RBMS1: variants seen among roughly 807,000 people sequenced by gnomAD.
The protein encoded by RBMS1 is RNA binding motif single stranded interacting protein 1.
In RBMS1, 17 loss-of-function variants were observed where a neutral mutation model predicts 62.3. The ratio of observed to expected loss-of-function variants is 0.27; its 90% confidence interval spans 0.19 to 0.41. The LOEUF (loss-of-function observed/expected upper bound fraction) is 0.41, where lower values mean the gene tolerates loss of function less well. Among genes scored for constraint, RBMS1 ranks in the 10% least tolerant of loss-of-function variants. The pLI is 1.00. For synonymous variants in RBMS1, 172 were observed against 170.0 expected, an observed-to-expected ratio of 1.01 and a Z score of -0.09; for missense variants, 334 against 504.5, an observed-to-expected ratio of 0.66 and a Z score of 3.24.
At chr2:160,458,983 G>A (rs911692658) in intron 1 of RBMS1, among the ~76,000 whole-genome samples, 6 of 152,186 alleles carry the variant, frequency 3.9e-5, no homozygotes, top group African/African-American at 1.4e-4. Context: ...AAGTGCTCAA[G>A]CAAAAATCGC....
intron 4 of RBMS1, among the ~76,000 whole-genome samples, chr2:160,311,224 C>CCATA (rs71297446): frequency 0.028 from 1,566 of 56,538 alleles, 128 homozygotes; most frequent in Non-Finnish European, 0.042. Flanking sequence ...ATCTATCTAT[C>CCATA]TATCTATCTA....
chr2:160,403,465 T>C (rs1695537353), intron 1 of RBMS1, among the ~76,000 whole-genome samples: 1 of 152,212 alleles, frequency 6.6e-6, no homozygotes, highest in Non-Finnish European at 1.5e-5. Context: ...AATCAACAGC[T>C]TTGTATGTCA....
chr2:160,457,045 A>AG (rs369308025), intron 1 of RBMS1, among the ~76,000 whole-genome samples: 66 of 152,172 alleles, frequency 4.3e-4, no homozygotes, highest in African/African-American at 1.5e-3. Context: ...AAAGATTGAC[A>AG]GGCCTGTGAA....
intron 2 of RBMS1, among the ~76,000 whole-genome samples, chr2:160,339,112 G>A (rs1035973128): frequency 6.6e-6 from 1 of 152,176 alleles, no homozygotes; most frequent in African/African-American, 2.4e-5. Flanking sequence ...AGCACTGGAG[G>A]CCAGGCATGG....
intron 1 of RBMS1, among the ~76,000 whole-genome samples, chr2:160,467,741 G>A (rs1442833093): frequency 6.6e-6 from 1 of 152,170 alleles, no homozygotes; most frequent in Non-Finnish European, 1.5e-5. Context: ...TTTTTTAAAT[G>A]TTCCAAAATG....
intron 1 of RBMS1, among the ~76,000 whole-genome samples, chr2:160,413,803 C>T (rs1027381342): frequency 3.3e-5 from 5 of 152,288 alleles, no homozygotes; most frequent in African/African-American, 4.8e-5. Context: ...TACCCCAGGA[C>T]AGAAGAATGA....
At chr2:160,350,024 G>A (rs1185972626) in intron 2 of RBMS1, among the ~76,000 whole-genome samples, 1 of 152,024 alleles carries the variant, frequency 6.6e-6, no homozygotes, top group Non-Finnish European at 1.5e-5. Context: ...TGTAAGGCAC[G>A]TGGAAGGCCT....
intron 1 of RBMS1, among the ~76,000 whole-genome samples, chr2:160,480,305 A>T (rs1330722582): frequency 6.6e-6 from 1 of 152,348 alleles, no homozygotes; most frequent in East Asian, 1.9e-4. Context: ...ATATTTTGAC[A>T]TGCATGCAAG....
intron 1 of RBMS1, among the ~76,000 whole-genome samples, chr2:160,393,824 T>C (rs898709537): frequency 1.4e-5 from 2 of 146,590 alleles, no homozygotes; most frequent in Non-Finnish European, 3.0e-5. Flanking sequence ...AAAAAGAAAA[T>C]AGCCAAGCTT....
At chr2:160,325,621 C>A (rs1690878442) in intron 2 of RBMS1, among the ~76,000 whole-genome samples, 1 of 152,250 alleles carries the variant, frequency 6.6e-6, no homozygotes, top group African/African-American at 2.4e-5. Flanking sequence ...CTTGCTTTAG[C>A]TCTTTCAACA....
intron 8 of RBMS1, 46 bp from the exon 9 acceptor site, chr2:160,284,914 A>C (rs1688291176): frequency 1.3e-6 from 2 of 1,569,274 alleles, no homozygotes; most frequent in Non-Finnish European, 1.8e-6. Flanking sequence ...TTTAAATAGA[A>C]TAATTCATGG....
At chr2:160,380,337 A>T (rs563130477) in intron 1 of RBMS1, among the ~76,000 whole-genome samples, 7 of 152,240 alleles carry the variant, frequency 4.6e-5, no homozygotes, top group African/African-American at 1.7e-4. Context: ...AACAGACTAG[A>T]GCCCAAACAT....
intron 2 of RBMS1, among the ~76,000 whole-genome samples, chr2:160,327,810 T>C (rs555238377): frequency 1.3e-5 from 2 of 152,254 alleles, no homozygotes; most frequent in South Asian, 2.1e-4. Context: ...TAAAAATGAA[T>C]CCCTAAATGT....
At chr2:160,372,227 G>T (rs553746432) in intron 1 of RBMS1, among the ~76,000 whole-genome samples, 2 of 149,040 alleles carry the variant, frequency 1.3e-5, no homozygotes, top group African/African-American at 5.0e-5. Flanking sequence ...ATTCTAGTAC[G>T]TTTTGAAGGG....
intron 2 of RBMS1, among the ~76,000 whole-genome samples, chr2:160,365,898 G>A (rs1229041807): frequency 2.6e-5 from 4 of 152,236 alleles, no homozygotes; most frequent in African/African-American, 7.2e-5. Flanking sequence ...GGGCGTGCCT[G>A]GCAGGGTTCC....
intron 1 of RBMS1, among the ~76,000 whole-genome samples, chr2:160,390,953 C>T (rs1694837407): frequency 6.6e-6 from 1 of 151,474 alleles, no homozygotes; most frequent in Non-Finnish European, 1.5e-5. Context: ...TATAATACTT[C>T]TGCTATGGAA....
chr2:160,316,843 TTGG>T (rs200802100), intron 3 of RBMS1, among the ~76,000 whole-genome samples: 29,219 of 152,270 alleles, frequency 0.19, 3,441 homozygotes, highest in Admixed American at 0.36. Flanking sequence ...CAAAGTGATG[TTGG>T]TGATCAGCCT....
At chr2:160,370,067 T>C (rs1693637873) in intron 1 of RBMS1, among the ~76,000 whole-genome samples, 1 of 152,172 alleles carries the variant, frequency 6.6e-6, no homozygotes, top group Non-Finnish European at 1.5e-5. Context: ...GCTTCCCCTG[T>C]TAAGTTTCCC....
At chr2:160,493,154 T>G in intron 1 of RBMS1, 135 bp downstream of exon 1, 2 of 846,208 alleles carry the variant, frequency 2.4e-6, no homozygotes, top group African/African-American at 1.7e-5. Flanking sequence ...AGGCCAGCGC[T>G]ATAGTTAGCA....
Sources: allele counts gnomAD v4.1 joint callset (sites outside exome capture counted in the v4.1 genomes callset), GRCh38; gene constraint gnomAD v4.1.1; transcripts MANE v1.5; gene names NCBI Gene and HGNC (gene_info 2026-07-23, HGNC 2026-07-21).